Variants in TASOR observed in about 807,000 individuals in gnomAD.
TASOR encodes protein TASOR.
TASOR carries 53 observed loss-of-function variants against 178.6 expected under a neutral mutation model. The observed-to-expected ratio is 0.30, with a 90% CI of 0.24 to 0.37. TASOR has a LOEUF of 0.37. TASOR is among the 10% of genes least tolerant of loss of function. The pLI, the probability that TASOR is intolerant of heterozygous loss-of-function variation, is 1.00. For synonymous variants in TASOR, 713 were observed against 696.2 expected (o/e 1.02, Z -0.38); for missense variants, 1,815 against 1,971.4 (o/e 0.92, Z 1.50).
intron 9 of TASOR, among the ~76,000 whole-genome samples, chr3:56,661,867 G>A (rs563192955): frequency 2.0e-5 from 3 of 152,288 alleles, no homozygotes; most frequent in South Asian, 2.1e-4. Flanking sequence ...GCTCACGCCT[G>A]TAATCCCAAC....
intron 15 of TASOR, 28 bp downstream of exon 15, chr3:56,641,321 C>T: frequency 6.4e-7 from 1 of 1,553,980 alleles, no homozygotes; most frequent in Non-Finnish European, 8.8e-7. Flanking sequence ...CTCACAAACA[C>T]AAAGGTAACC....
In TASOR at chr3:56,624,560, T is replaced by A; in HGVS notation, c.4402A>T (p.Asn1468Tyr). The A allele has an allele frequency of 6.2e-7, 1 of 1,614,136 alleles. No homozygotes were observed. Among genetic ancestry groups the A allele is most frequent in the East Asian group, 2.2e-5 (1 of 44,870 alleles). ...TAEDFMQNFK[N>Y]LVGYHNSITE... Reference sequence around the variant, plus strand: ...ATTGAATTGTGATAGCCCACAAGATTTTTAAAGTTTTGCATGAAGTCTTCA... The same window carrying A: ...ATTGAATTGTGATAGCCCACAAGATATTTAAAGTTTTGCATGAAGTCTTCA... The change falls in exon 23 of 24, where the codon AAT becomes TAT. Residue 1468 changes from asparagine to tyrosine, a missense_variant. Around this residue, in one of 5 missense-constraint regions of TASOR, gnomAD observed 278 missense variants for 257.1 expected, o/e 1.08. Transcript: ENST00000683822.
Position 56,628,633 on chromosome 3 carries a change from T to C in TASOR, c.3748-19A>G. ...GATATTCCTGTTAAAGAAAAACAACTAAATCAATATTAAAATACTTCTTTG... is the reference window on the plus strand; with the variant it reads ...GATATTCCTGTTAAAGAAAAACAACCAAATCAATATTAAAATACTTCTTTG... On this transcript the variant is annotated intron_variant, in intron 18 of 23. Coordinates refer to ENST00000683822, the MANE Select transcript of TASOR (RefSeq NM_001365635.2). 2.7e-6 allele frequency: 4 copies of C among 1,469,352 alleles called. No individual in the cohort carries two copies. Among genetic ancestry groups the C allele is most frequent in the Non-Finnish European group, 3.7e-6 (4 of 1,073,738 alleles). The allele number at this position is 1,469,352 out of a possible 1,614,324, so 91.0% of individuals were successfully genotyped here. A position where few individuals can be genotyped will look rare whatever the true frequency, so the allele number is the denominator to read the frequency against.
chr3:56,658,176 A>G (rs1376756742), intron 11 of TASOR, among the ~76,000 whole-genome samples: 1 of 152,224 alleles, frequency 6.6e-6, no homozygotes, highest in Non-Finnish European at 1.5e-5. Flanking sequence ...ACGGATAGCT[A>G]CACAAAATTC....
chr3:56,626,050 T>A (rs569417254), intron 21 of TASOR, among the ~76,000 whole-genome samples: 2 of 152,356 alleles, frequency 1.3e-5, no homozygotes, highest in South Asian at 4.1e-4. Context: ...CAGTGTACCA[T>A]GGAATGTCGT....
chr3:56,678,154 G>A (rs898204425), intron 1 of TASOR, among the ~76,000 whole-genome samples: 25 of 146,020 alleles, frequency 1.7e-4, no homozygotes, highest in African/African-American at 6.1e-4. Flanking sequence ...TTTATTACTA[G>A]TATCATACAA....
chr3:56,623,122 G>A lies in TASOR; in HGVS notation c.4928C>T (p.Thr1643Ile), dbSNP rs72879331. Residue 1643 changes from threonine (T) to isoleucine (I), a missense_variant, in exon 24 of 24, where the codon ACT becomes ATT. Coordinates refer to ENST00000683822, the MANE Select transcript of TASOR (RefSeq NM_001365635.2). ...AGATTTATCTCTATCCAAGCTTTCA[G>A]TATAAGCAGATAAGAAGTAATTCTC... ...ENENYFLSAY[T>I]ESLDRDKSPP... 6 of 1,613,690 alleles carry A rather than the reference G, an allele frequency of 3.7e-6. No homozygotes were observed. In the East Asian group the frequency reaches 1.1e-4, roughly 30 times the overall value.
chr3:56,622,981 A>G lies in TASOR; in HGVS notation c.*56T>C. ...GAACCTTTTGTTTAGAGAATGAAAT[A>G]TAAATTGTTAATAAACAAAGTCCAC... On this transcript the variant is annotated 3_prime_UTR_variant, in exon 24 of 24. Transcript: ENST00000683822. 8.5e-7 allele frequency: 1 copy of G among 1,177,036 alleles called. No individual in the cohort carries two copies. Among genetic ancestry groups the G allele is most frequent in the Non-Finnish European group, 1.2e-6 (1 of 853,960 alleles). The allele number at this position is 1,177,036 out of a possible 1,614,324, so 72.9% of individuals were successfully genotyped here.
At chr3:56,665,602 A>C (rs1578276036) in intron 7 of TASOR, among the ~76,000 whole-genome samples, 1 of 151,796 alleles carries the variant, frequency 6.6e-6, no homozygotes, top group African/African-American at 2.4e-5. Flanking sequence ...CAGGTGATCC[A>C]CCCACCTCGT....
chr3:56,682,251 G>A (rs1578318037), intron 1 of TASOR, among the ~76,000 whole-genome samples: 1 of 152,180 alleles, frequency 6.6e-6, no homozygotes, highest in Non-Finnish European at 1.5e-5. Flanking sequence ...AAGCACTCAT[G>A]GTCCTCAGAA....
intron 1 of TASOR, among the ~76,000 whole-genome samples, chr3:56,676,661 C>G (rs546772311): frequency 6.6e-6 from 1 of 152,188 alleles, no homozygotes; most frequent in African/African-American, 2.4e-5. Context: ...CTGCCAATTT[C>G]TATGAAATGT....
rs1351118465 is a variant in TASOR at position 56,669,606 on chromosome 3, C to T, written c.735+94G>A. On this transcript the variant is annotated intron_variant, in intron 5 of 23. Transcript: ENST00000683822. ...AGTACCAAACACTAACAAGCATGAA[C>T]TTTTAAACAATCTCCTAAAAACAGC... The T allele has an allele frequency of 4.0e-6, 3 of 759,322 alleles. No homozygotes were observed. The East Asian group carries it at 8.6e-5, about 22-fold the overall frequency. The allele number at this position is 759,322 out of a possible 1,614,324, so 47.0% of individuals were successfully genotyped here. A position where few individuals can be genotyped will look rare whatever the true frequency, so the allele number is the denominator to read the frequency against.
chr3:56,677,440 A>G (rs2031403477), intron 1 of TASOR, among the ~76,000 whole-genome samples: 1 of 152,200 alleles, frequency 6.6e-6, no homozygotes, highest in Non-Finnish European at 1.5e-5. Context: ...TCAATCATCA[A>G]AACTACACTA....
intron 1 of TASOR, among the ~76,000 whole-genome samples, chr3:56,676,738 G>C (rs1448047213): frequency 2.0e-5 from 3 of 152,076 alleles, no homozygotes; most frequent in Non-Finnish European, 4.4e-5. Context: ...TAATCTAATC[G>C]TAAGTAAAAA....
chr3:56,627,585 CTG>C lies in TASOR; in HGVS notation c.4025_4026del (p.Thr1342SerfsTer2). On this transcript the variant is annotated frameshift_variant, in exon 20 of 24. Transcript: ENST00000683822. LOFTEE classifies it high-confidence loss of function. ...GCTCAAAAGAACATCATCTTACCAACTGTGACAACCTCTGGGTTTAGAATTGA... is the reference window on the plus strand; with the variant it reads ...GCTCAAAAGAACATCATCTTACCAACTGACAACCTCTGGGTTTAGAATTGA... ...DESILNPEVVTVENLKNFLTF... is the reference protein window; with the variant it reads ...DESILNPEVVXVENLKNFLTF... The C allele has an allele frequency of 6.2e-7, 1 of 1,613,962 alleles. No individual in the cohort carries two copies. Among genetic ancestry groups the C allele is most frequent in the Non-Finnish European group, 8.5e-7 (1 of 1,179,952 alleles).
In TASOR at chr3:56,633,454, A is replaced by G. The variant is rs2076956838; in HGVS notation, c.3337T>C (p.Ser1113Pro). ...SPNDSGAKIA[S>P]NPLERHVIPV... Reference sequence around the variant, plus strand: ...ATGACATGCCTTTCCAGAGGATTCGATGCTATCTTAGCACCAGAATCGTTA... The same window carrying G: ...ATGACATGCCTTTCCAGAGGATTCGGTGCTATCTTAGCACCAGAATCGTTA... Residue 1113 changes from serine (S) to proline (P), a missense_variant, in exon 18 of 24, where the codon TCG (serine) becomes CCG (proline). This residue lies in a region of TASOR where 655 missense variants were observed against 671.1 expected (regional missense o/e 0.98). Coordinates refer to ENST00000683822, the MANE Select transcript of TASOR (RefSeq NM_001365635.2). 1 of 1,614,168 alleles carries G rather than the reference A, an allele frequency of 6.2e-7. No individual in the cohort carries two copies.
At chr3:56,673,205 T>G (rs79663378) in intron 2 of TASOR, among the ~76,000 whole-genome samples, 1,869 of 152,286 alleles carry the variant, frequency 0.012, 47 homozygotes, top group African/African-American at 0.042. Context: ...TAGTAACAAT[T>G]TAACACAGCA....
At chr3:56,679,568 G>A (rs1283828757) in intron 1 of TASOR, among the ~76,000 whole-genome samples, 2 of 152,174 alleles carry the variant, frequency 1.3e-5, no homozygotes, top group African/African-American at 4.8e-5. Context: ...ATGGAGGTTA[G>A]GAGAATTAGC....
chr3:56,640,234 T>C, intron 15 of TASOR, 104 bp from the exon 16 acceptor site: 3 of 927,568 alleles, frequency 3.2e-6, no homozygotes, highest in Non-Finnish European at 4.9e-6. Flanking sequence ...ATCTAAACAT[T>C]ACAAATGCGT....
Sources: gnomAD v4.1 joint callset for allele counts (sites outside exome capture counted in the v4.1 genomes callset) on GRCh38, gnomAD v4.1.1 for gene constraint, gnomAD v4.1.1 regional missense constraint, MANE v1.5 for transcripts, NCBI Gene and HGNC (gene_info 2026-07-23, HGNC 2026-07-21) for gene names.